FAM135A: variants seen among roughly 807,000 people sequenced by gnomAD.
FAM135A encodes the protein family with sequence similarity 135 member A.
In FAM135A, 79 loss-of-function variants were observed where a neutral mutation model predicts 146.8. The observed-to-expected ratio is 0.54, with a 90% CI of 0.45 to 0.65. The LOEUF is 0.65. Among genes scored for constraint, FAM135A ranks in the 30% least tolerant of loss-of-function variants. FAM135A has a pLI of 0.00. For missense variants in FAM135A, 1,623 were observed against 1,758.2 expected, an observed-to-expected ratio of 0.92 and a Z score of 1.38; for synonymous variants, 562 against 603.6, an observed-to-expected ratio of 0.93 and a Z score of 1.01.
intron 20 of FAM135A, among the ~76,000 whole-genome samples, chr6:70,550,029 C>A (rs1343506578): frequency 6.6e-6 from 1 of 152,214 alleles, no homozygotes; most frequent in Non-Finnish European, 1.5e-5. Context: ...AGCAACTCTT[C>A]ATCTATTCAA....
chr6:70,521,613 A>G (rs778378019), intron 12 of FAM135A, among the ~76,000 whole-genome samples: 2 of 152,216 alleles, frequency 1.3e-5, no homozygotes, highest in Non-Finnish European at 2.9e-5. Flanking sequence ...TTTGTTGGAC[A>G]TTTAAAACCA....
Position 70,447,791 on chromosome 6 carries a change from C to T in FAM135A, c.78-4701C>T, listed in dbSNP as rs150519171. Among the ~76,000 whole-genome samples the T allele has an allele frequency of 5.6e-3, 847 of 152,178 alleles. 12 individuals carry two copies. The highest frequency in any genetic ancestry group is 0.018 in the African/African-American group (738 of 41,466). ...TTTTCCCCTATCTGGCAGCCTGACTCGCTGATTTTTTCTACATTCTTTTTT... is the reference window on the plus strand; with the variant it reads ...TTTTCCCCTATCTGGCAGCCTGACTTGCTGATTTTTTCTACATTCTTTTTT... On this transcript the variant is annotated intron_variant, in intron 4 of 21. Transcript: ENST00000418814.
intron 11 of FAM135A, among the ~76,000 whole-genome samples, chr6:70,492,234 A>G (rs981217820): frequency 5.3e-5 from 8 of 151,896 alleles, no homozygotes; most frequent in Non-Finnish European, 1.0e-4. Context: ...AATAGTCACT[A>G]TTATGTTTAA....
intron 10 of FAM135A, among the ~76,000 whole-genome samples, chr6:70,484,070 G>A (rs1784198017): frequency 6.6e-6 from 1 of 152,180 alleles, no homozygotes; most frequent in South Asian, 2.1e-4. Flanking sequence ...TCTTAACAGT[G>A]TACTTCCCTT....
At chr6:70,559,434 T>TC (rs1451757600) in intron 21 of FAM135A, among the ~76,000 whole-genome samples, 1 of 149,404 alleles carries the variant, frequency 6.7e-6, no homozygotes, top group Non-Finnish European at 1.5e-5. Flanking sequence ...AGAGTGAAAC[T>TC]CCATCTCAAA....
At chr6:70,553,136 G>C (rs1800162760) in intron 20 of FAM135A, among the ~76,000 whole-genome samples, 1 of 152,012 alleles carries the variant, frequency 6.6e-6, no homozygotes, top group African/African-American at 2.4e-5. Context: ...AGATAAACCA[G>C]TGAACCAACC....
chr6:70,527,640 C>T (rs1233761689), intron 15 of FAM135A, among the ~76,000 whole-genome samples: 1 of 152,136 alleles, frequency 6.6e-6, no homozygotes, highest in African/African-American at 2.4e-5. Flanking sequence ...TCCAGCTTCA[C>T]TTTATCAGTC....
intron 12 of FAM135A, among the ~76,000 whole-genome samples, chr6:70,514,863 A>T (rs746788229): frequency 1.3e-5 from 2 of 152,160 alleles, no homozygotes; most frequent in African/African-American, 2.4e-5. Context: ...TCATACTTCC[A>T]GATGGTGGGG....
intron 5 of FAM135A, among the ~76,000 whole-genome samples, chr6:70,473,480 A>G (rs986485084): frequency 4.6e-5 from 7 of 152,178 alleles, no homozygotes; most frequent in South Asian, 2.1e-4. Context: ...CTCAGTTTCA[A>G]TCCAGTACCA....
intron 4 of FAM135A, among the ~76,000 whole-genome samples, chr6:70,430,328 C>T (rs113870231): frequency 0.13 from 19,745 of 150,940 alleles, 1,538 homozygotes; most frequent in Middle Eastern, 0.19. Context: ...CAGAGTGAGA[C>T]TCTATCTAAA....
chr6:70,550,368 A>G (rs1044430787), intron 20 of FAM135A, among the ~76,000 whole-genome samples: 1 of 152,234 alleles, frequency 6.6e-6, no homozygotes, highest in African/African-American at 2.4e-5. Flanking sequence ...TTAAGTAATA[A>G]GACTTGAAAG....
At chr6:70,529,662 AAGC>A (rs1795414611) in intron 16 of FAM135A, among the ~76,000 whole-genome samples, 1 of 152,132 alleles carries the variant, frequency 6.6e-6, no homozygotes, top group Non-Finnish European at 1.5e-5. Flanking sequence ...AAAAGATAGA[AAGC>A]AGCCCATTTT....
intron 10 of FAM135A, among the ~76,000 whole-genome samples, chr6:70,489,341 A>G (rs1013697657): frequency 6.6e-6 from 1 of 152,204 alleles, no homozygotes; most frequent in Non-Finnish European, 1.5e-5. Flanking sequence ...TTAGTTACCA[A>G]CAAGTTGGCC....
Position 70,525,738 on chromosome 6 carries a change from C to T in FAM135A, c.2654C>T (p.Thr885Ile). 1.9e-6 allele frequency: 3 copies of T among 1,613,202 alleles called. No homozygotes were observed. The highest frequency in any genetic ancestry group is 2.5e-6 in the Non-Finnish European group (3 of 1,179,592). ...ACTGATTTGCCAAAATGTGATGATACTAAAAAGTCAAGTATCACTTTGCAA... is the reference window on the plus strand; with the variant it reads ...ACTGATTTGCCAAAATGTGATGATATTAAAAAGTCAAGTATCACTTTGCAA... ...GTTDLPKCDD[T>I]KKSSITLQQQ... is the part of the protein sequence containing the mutation. The change falls in exon 15 of 22, where the codon ACT becomes ATT. Residue 885 changes from threonine (T) to isoleucine (I), a missense_variant. Physicochemically the swap from Thr to Ile is moderately conservative, Grantham distance 89 (BLOSUM62 -1). Transcript: ENST00000418814.
chr6:70,559,842 C>G lies in FAM135A; in HGVS notation c.4469C>G (p.Ala1490Gly). 1.2e-6 allele frequency: 2 copies of G among 1,614,080 alleles called. No individual in the cohort carries two copies. Among genetic ancestry groups the G allele is most frequent in the Non-Finnish European group, 1.7e-6 (2 of 1,180,002 alleles). ...PNTADSLIGRAAHIAVLDSEI... is the reference protein window; with the variant it reads ...PNTADSLIGRGAHIAVLDSEI... The stretch of plus-strand genomic sequence containing the variant: ...ACAGCTGATTCACTCATTGGGAGAG[C>G]TGCACATATAGCTGTTCTTGATTCG... Residue 1490 changes from alanine (A) to glycine (G), a missense_variant, in exon 22 of 22, where the codon GCT becomes GGT. This residue lies in a region of FAM135A where 138 missense variants were observed against 174.1 expected (regional missense o/e 0.79). Coordinates refer to ENST00000418814, the MANE Select transcript of FAM135A (RefSeq NM_001162529.3).
rs1353100423 is a variant in FAM135A at position 70,436,099 on chromosome 6, A to G, written c.77+7680A>G. ...CTTGGGAGGCTGAGGCAGGAGAATC[A>G]CTTGAACCCCAGAGGCGGAGGTTGC... On this transcript the variant is annotated intron_variant, in intron 4 of 21. Coordinates refer to ENST00000418814, the MANE Select transcript of FAM135A (RefSeq NM_001162529.3). 3.3e-5 allele frequency among the ~76,000 whole-genome samples: 5 copies of G among 151,672 alleles called. No homozygotes were observed. In the South Asian group the frequency reaches 6.2e-4, roughly 19 times the overall value.
chr6:70,417,122 A>G (rs1767735115), intron 2 of FAM135A, among the ~76,000 whole-genome samples: 1 of 152,110 alleles, frequency 6.6e-6, no homozygotes, highest in Admixed American at 6.6e-5. Flanking sequence ...AATTTGATAA[A>G]CTATCTCTCA....
chr6:70,465,893 T>C (rs995550706), intron 5 of FAM135A, among the ~76,000 whole-genome samples: 1 of 152,206 alleles, frequency 6.6e-6, no homozygotes, highest in African/African-American at 2.4e-5. Flanking sequence ...CCTGAAAGGC[T>C]CTTCCCTTTT....
At position 70,533,779 on chromosome 6, in the gene FAM135A, A is replaced by G; in HGVS notation, c.3890A>G (p.Asp1297Gly). The change falls in exon 18 of 22, where the codon GAT (aspartate) becomes GGT (glycine). Residue 1297 changes from aspartate (D) to glycine (G), a missense_variant. Physicochemically the swap from Asp to Gly is moderately conservative, Grantham distance 94 (BLOSUM62 -1). This residue lies in a region of FAM135A where 1,061 missense variants were observed against 1,113.8 expected (regional missense o/e 0.95). Transcript: ENST00000418814. ...TAGAATGATACTTTTGCTGATTTTG[A>G]TAGCATGACTGATCGTCTTTTGGAT... ...RNQNDTFADF[D>G]SMTDRLLDEI... 2 of 1,585,738 alleles carry G rather than the reference A, an allele frequency of 1.3e-6. No individual in the cohort carries two copies. Among genetic ancestry groups the G allele is most frequent in the Non-Finnish European group, 1.7e-6 (2 of 1,169,306 alleles).
Sources: allele counts gnomAD v4.1 joint callset (sites outside exome capture counted in the v4.1 genomes callset), GRCh38; gene constraint gnomAD v4.1.1; regional missense constraint gnomAD v4.1.1; transcripts MANE v1.5; gene names NCBI Gene and HGNC (gene_info 2026-07-23, HGNC 2026-07-21).